USH2A: variants seen among roughly 807,000 people sequenced by gnomAD.
The protein encoded by USH2A is usherin, also known as Usher syndrome 2A (autosomal recessive, mild).
A neutral mutation model predicts 538.9 loss-of-function variants in USH2A; 443 were observed. The ratio of observed to expected loss-of-function variants is 0.82; its 90% confidence interval spans 0.76 to 0.89. The LOEUF (loss-of-function observed/expected upper bound fraction) is 0.89, where lower values mean the gene tolerates loss of function less well. Among genes scored for constraint, USH2A ranks in the 40% least tolerant of loss-of-function variants. The pLI, the probability that USH2A is intolerant of heterozygous loss-of-function variation, is 0.00. For missense variants in USH2A, 6,633 were observed against 6,324.8 expected, an observed-to-expected ratio of 1.05 and a Z score of -1.65; for synonymous variants, 2,413 against 2,273.5, an observed-to-expected ratio of 1.06 and a Z score of -1.75.
chr1:215,971,606 A>T (rs529864257), intron 35 of USH2A, among the ~76,000 whole-genome samples: 1 of 152,246 alleles, frequency 6.6e-6, no homozygotes, highest in African/African-American at 2.4e-5. Context: ...AAATAAAAAT[A>T]AAAGAACTAC....
intron 26 of USH2A, among the ~76,000 whole-genome samples, chr1:216,080,816 C>T (rs1222974310): frequency 6.7e-6 from 1 of 150,372 alleles, no homozygotes; most frequent in East Asian, 2.0e-4. Flanking sequence ...TCATTTGTTC[C>T]CCTGAGTCGG....
At chr1:216,328,666 TG>T (rs2037784898) in intron 4 of USH2A, among the ~76,000 whole-genome samples, 2 of 151,960 alleles carry the variant, frequency 1.3e-5, no homozygotes, top group Non-Finnish European at 2.9e-5. Flanking sequence ...TGGAGGAAAC[TG>T]GGACAGAGTG....
At chr1:216,172,538 T>A (rs987265163) in intron 21 of USH2A, among the ~76,000 whole-genome samples, 2 of 152,144 alleles carry the variant, frequency 1.3e-5, no homozygotes, top group Non-Finnish European at 2.9e-5. Flanking sequence ...TAAATTTGCC[T>A]CAGAATATAA....
intron 47 of USH2A, among the ~76,000 whole-genome samples, chr1:215,818,430 T>C (rs1199490190): frequency 6.6e-6 from 1 of 151,802 alleles, no homozygotes; most frequent in Non-Finnish European, 1.5e-5. Context: ...ACTCTTTAAC[T>C]AGCATGGTCT....
At chr1:216,201,001 C>A (rs975221427) in intron 16 of USH2A, among the ~76,000 whole-genome samples, 2 of 108,960 alleles carry the variant, frequency 1.8e-5, no homozygotes, top group Admixed American at 9.7e-5. Context: ...CCCTCCCTCC[C>A]TCCCTCCCTC....
chr1:216,048,414 C>A, intron 31 of USH2A, 120 bp downstream of exon 31: 4 of 997,072 alleles, frequency 4.0e-6, no homozygotes, highest in Non-Finnish European at 6.4e-6. Flanking sequence ...CCTGGCAATG[C>A]ACTTTGTCAT....
intron 61 of USH2A, among the ~76,000 whole-genome samples, chr1:215,712,934 GT>G (rs1234431441): frequency 1.3e-5 from 2 of 151,866 alleles, no homozygotes; most frequent in Non-Finnish European, 2.9e-5. Flanking sequence ...AGCCTCCCAA[GT>G]TGCTGGGATT....
chr1:215,694,680 TAC>T (rs1189788621), intron 61 of USH2A, among the ~76,000 whole-genome samples: 1 of 152,212 alleles, frequency 6.6e-6, no homozygotes, highest in African/African-American at 2.4e-5. Context: ...CCACCTTTAT[TAC>T]TTGATAGATC....
chr1:215,930,208 A>G (rs1186758082), intron 38 of USH2A, among the ~76,000 whole-genome samples: 1 of 152,080 alleles, frequency 6.6e-6, no homozygotes, highest in Non-Finnish European at 1.5e-5. Flanking sequence ...AGCAGTTCAG[A>G]AAAAGATAAA....
At chr1:216,395,022 C>T (rs949963507) in intron 3 of USH2A, among the ~76,000 whole-genome samples, 17 of 152,074 alleles carry the variant, frequency 1.1e-4, no homozygotes, top group Non-Finnish European at 1.5e-5. Flanking sequence ...CCAGCCGGTC[C>T]AGTCGTTTTT....
intron 21 of USH2A, among the ~76,000 whole-genome samples, chr1:216,108,849 C>T (rs1473663126): frequency 1.3e-5 from 2 of 151,900 alleles, no homozygotes; most frequent in African/African-American, 4.8e-5. Flanking sequence ...TCTTTTCATC[C>T]ATTATATGAA....
chr1:216,111,218 G>A lies in USH2A; in HGVS notation c.4628-14005C>T, dbSNP rs980234654. On this transcript the variant is annotated intron_variant, in intron 21 of 71. Coordinates refer to ENST00000307340, the MANE Select transcript of USH2A (RefSeq NM_206933.4). ...TGCACTCTAGCCTGGGTGACTGAGT[G>A]AGACTCCATCTCAAAAACAAACAAA... Among the ~76,000 whole-genome samples, 4 of 152,142 alleles carry A rather than the reference G, an allele frequency of 2.6e-5. No individual in the cohort carries two copies. In the East Asian group the frequency reaches 5.8e-4, roughly 22 times the overall value.
At chr1:216,267,857 A>G (rs998760176) in intron 11 of USH2A, among the ~76,000 whole-genome samples, 3 of 152,112 alleles carry the variant, frequency 2.0e-5, no homozygotes, top group Non-Finnish European at 2.9e-5. Flanking sequence ...CACAGTATAC[A>G]TATTTTACAT....
intron 9 of USH2A, among the ~76,000 whole-genome samples, chr1:216,300,114 CA>C (rs769677395): frequency 1.3e-5 from 2 of 152,138 alleles, no homozygotes; most frequent in Non-Finnish European, 1.5e-5. Flanking sequence ...ATAACCATGA[CA>C]AAATGGAAGA....
intron 3 of USH2A, among the ~76,000 whole-genome samples, chr1:216,365,320 A>C (rs1034831184): frequency 6.6e-6 from 1 of 152,158 alleles, no homozygotes; most frequent in Non-Finnish European, 1.5e-5. Context: ...ACAGGTATAC[A>C]TAATAGTTTG....
chr1:216,105,999 T>C (rs1429660118), intron 21 of USH2A, among the ~76,000 whole-genome samples: 8 of 151,512 alleles, frequency 5.3e-5, no homozygotes, highest in African/African-American at 1.9e-4. Context: ...TTAAAGCATT[T>C]ACATACAAAA....
intron 55 of USH2A, among the ~76,000 whole-genome samples, chr1:215,767,599 G>A (rs897980558): frequency 1.3e-5 from 2 of 152,098 alleles, no homozygotes; most frequent in Non-Finnish European, 2.9e-5. Flanking sequence ...AAGTTTTCAG[G>A]GAGAAAAGAA....
At chr1:216,299,226 T>C (rs2037166360) in intron 9 of USH2A, among the ~76,000 whole-genome samples, 2 of 151,484 alleles carry the variant, frequency 1.3e-5, no homozygotes, top group Admixed American at 1.3e-4. Context: ...GGAAACAAAT[T>C]AAATGCCCAA....
intron 9 of USH2A, among the ~76,000 whole-genome samples, chr1:216,311,838 T>C (rs1358892548): frequency 6.6e-6 from 1 of 152,200 alleles, no homozygotes; most frequent in Non-Finnish European, 1.5e-5. Flanking sequence ...AGTTCCTCCC[T>C]CTGGTGTCTT....
Sources: gnomAD v4.1 joint callset for allele counts (sites outside exome capture counted in the v4.1 genomes callset) on GRCh38, gnomAD v4.1.1 for gene constraint, MANE v1.5 for transcripts, NCBI Gene and HGNC (gene_info 2026-07-23, HGNC 2026-07-21) for gene names.